DNAH14: variants seen among roughly 807,000 people sequenced by gnomAD.
DNAH14 encodes the protein dynein axonemal heavy chain 14.
DNAH14 carries 478 observed loss-of-function variants against 520.9 expected under a neutral mutation model. The observed-to-expected ratio is 0.92, with a 90% confidence interval of 0.85 to 0.99. DNAH14 has a LOEUF of 0.99. Among genes scored for constraint, DNAH14 ranks in the 50% least tolerant of loss-of-function variants. The pLI is 0.00. For synonymous variants in DNAH14, 1,581 were observed against 1,757.2 expected (o/e 0.90, Z 2.51); for missense variants, 4,831 against 5,234.5 (o/e 0.92, Z 2.38).
chr1:225,347,399 A>T (rs1029761146), intron 71 of DNAH14, among the ~76,000 whole-genome samples: 1 of 152,158 alleles, frequency 6.6e-6, no homozygotes, highest in African/African-American at 2.4e-5. Flanking sequence ...ATGCCTATTC[A>T]TGCCTCCCCC....
chr1:225,074,443 A>AGCTGT (rs1206615148), intron 17 of DNAH14, among the ~76,000 whole-genome samples: 1 of 152,198 alleles, frequency 6.6e-6, no homozygotes, highest in Non-Finnish European at 1.5e-5. Context: ...TTTGTAGAGA[A>AGCTGT]GCTGTGCTGT....
chr1:225,399,034 GA>G lies in DNAH14; in HGVS notation c.13639-19del. ...CTTGAACTATGCAATTTGACTACTGGATTTTTTTTTTTTTTAAAGATTTCTA... is the reference window on the plus strand; with the variant it reads ...CTTGAACTATGCAATTTGACTACTGGTTTTTTTTTTTTTTAAAGATTTCTA... On this transcript the variant is annotated intron_variant, in intron 85 of 85. Transcript: ENST00000682510. The G allele has an allele frequency of 7.5e-7, 1 of 1,330,566 alleles. No homozygotes were observed. The highest frequency in any genetic ancestry group is 1.0e-6 in the Non-Finnish European group (1 of 953,034). 82.4% of individuals were successfully genotyped at this position (1,330,566 alleles called of 1,614,324 possible).
At chr1:225,059,814 A>G (rs897884159) in intron 17 of DNAH14, among the ~76,000 whole-genome samples, 1 of 152,078 alleles carries the variant, frequency 6.6e-6, no homozygotes, top group Non-Finnish European at 1.5e-5. Flanking sequence ...ATGAAATTCT[A>G]GGTTGAAAAT....
intron 36 of DNAH14, among the ~76,000 whole-genome samples, chr1:225,178,355 A>G (rs2083562722): frequency 1.3e-5 from 2 of 152,216 alleles, no homozygotes; most frequent in African/African-American, 4.8e-5. Context: ...GGTGTCAGCA[A>G]GAGCAAAATG....
intron 8 of DNAH14, among the ~76,000 whole-genome samples, chr1:224,988,436 C>T (rs1467310952): frequency 6.6e-6 from 1 of 152,094 alleles, no homozygotes; most frequent in African/African-American, 2.4e-5. Flanking sequence ...CATCTCATGC[C>T]AGTTAGAATG....
At chr1:225,185,687 A>G (rs575563131) in intron 37 of DNAH14, among the ~76,000 whole-genome samples, 29 of 151,794 alleles carry the variant, frequency 1.9e-4, no homozygotes, top group Non-Finnish European at 3.8e-4. Context: ...GTTTTTAGGT[A>G]TCAATTGAAT....
intron 17 of DNAH14, among the ~76,000 whole-genome samples, chr1:225,063,625 CA>C: frequency 6.6e-6 from 1 of 152,068 alleles, no homozygotes; most frequent in Admixed American, 6.5e-5. Flanking sequence ...AGAAATCAAA[CA>C]AAAACAGAGA....
intron 10 of DNAH14, among the ~76,000 whole-genome samples, chr1:225,014,544 A>G (rs1488335709): frequency 6.6e-6 from 1 of 151,994 alleles, no homozygotes. Context: ...TCAAAATTTC[A>G]TTCTTAGTTT....
At chr1:225,213,056 T>A (rs1357262284) in intron 41 of DNAH14, among the ~76,000 whole-genome samples, 1 of 152,208 alleles carries the variant, frequency 6.6e-6, no homozygotes, top group African/African-American at 2.4e-5. Context: ...AACATTTAAG[T>A]CTTTGATCCA....
intron 21 of DNAH14, among the ~76,000 whole-genome samples, chr1:225,096,313 T>C (rs1197752230): frequency 6.6e-6 from 1 of 152,116 alleles, no homozygotes; most frequent in Non-Finnish European, 1.5e-5. Flanking sequence ...GTGCAGTTTC[T>C]TGTGTATCAG....
rs576901914 is a variant in DNAH14 at position 224,987,671 on chromosome 1, GGCTGGT to G, written c.830+13520_830+13525del. On this transcript the variant is annotated intron_variant, in intron 8 of 85. Coordinates refer to ENST00000682510, the MANE Select transcript of DNAH14 (RefSeq NM_001367479.1). ...AGATGGAGTCTTGCACTGTCACCCG[GGCTGGT>G]GTGCAGTGGTGCAATCTCAGCTTGC... is the stretch of plus-strand genomic sequence containing the variant. 2.4e-4 allele frequency among the ~76,000 whole-genome samples: 37 copies of G among 152,160 alleles called. No homozygotes were observed. In the South Asian group the frequency reaches 7.7e-3, roughly 32 times the overall value.
Position 225,232,388 on chromosome 1 carries a change from A to G in DNAH14, c.6518+1237A>G, listed in dbSNP as rs931194731. Among the ~76,000 whole-genome samples the G allele has an allele frequency of 5.9e-5, 9 of 152,220 alleles. No individual in the cohort carries two copies. The highest frequency in any genetic ancestry group is 1.3e-4 in the Non-Finnish European group (9 of 68,010). On this transcript the variant is annotated intron_variant, in intron 42 of 85. Coordinates refer to ENST00000682510, the MANE Select transcript of DNAH14 (RefSeq NM_001367479.1). The surrounding 1 kb of genome is among the most constrained non-coding windows in gnomAD (Gnocchi z 4.2). Reference sequence around the variant, plus strand: ...AGTAATATGATTAATGTGCTTGTACATGTCTCTTGGTACTTATATGCAATA... The same window carrying G: ...AGTAATATGATTAATGTGCTTGTACGTGTCTCTTGGTACTTATATGCAATA...
At chr1:224,995,031 A>G (rs1470585395) in intron 8 of DNAH14, among the ~76,000 whole-genome samples, 1 of 152,108 alleles carries the variant, frequency 6.6e-6, no homozygotes, top group African/African-American at 2.4e-5. Flanking sequence ...TATTTTAGCT[A>G]TAGTTATTTT....
intron 1 of DNAH14, among the ~76,000 whole-genome samples, chr1:224,941,120 T>A (rs1036776527): frequency 1.3e-5 from 2 of 152,234 alleles, no homozygotes; most frequent in African/African-American, 4.8e-5. Flanking sequence ...GTTGAACTAG[T>A]TTACAGTCCC....
intron 17 of DNAH14, among the ~76,000 whole-genome samples, chr1:225,060,135 C>G (rs1572776779): frequency 6.6e-6 from 1 of 152,112 alleles, no homozygotes; most frequent in South Asian, 2.1e-4. Flanking sequence ...CGACTTGGTT[C>G]CATTCTCCCT....
intron 23 of DNAH14, among the ~76,000 whole-genome samples, chr1:225,113,604 G>T (rs1181562950): frequency 6.6e-6 from 1 of 152,190 alleles, no homozygotes; most frequent in African/African-American, 2.4e-5. Context: ...TGGTTCCAGA[G>T]ATGCCATCTG....
intron 15 of DNAH14, among the ~76,000 whole-genome samples, chr1:225,045,525 C>T (rs1328186656): frequency 1.3e-5 from 2 of 152,038 alleles, no homozygotes; most frequent in South Asian, 4.2e-4. Context: ...TCTGCTAAGT[C>T]TTTTCCAGTG....
At chr1:225,147,797 C>G (rs1008522809) in intron 31 of DNAH14, among the ~76,000 whole-genome samples, 9 of 152,140 alleles carry the variant, frequency 5.9e-5, no homozygotes, top group African/African-American at 1.9e-4. Context: ...CACCTTCCAC[C>G]CTCCAGTAGG....
At chr1:224,951,553 C>T (rs2060170815) in intron 1 of DNAH14, among the ~76,000 whole-genome samples, 1 of 151,550 alleles carries the variant, frequency 6.6e-6, no homozygotes, top group African/African-American at 2.4e-5. Context: ...ATGACTAGGA[C>T]TCTTTCTGCA....
Sources: gnomAD v4.1 joint callset for allele counts (sites outside exome capture counted in the v4.1 genomes callset) on GRCh38, gnomAD v4.1.1 for gene constraint, Gnocchi (gnomAD v3.1) non-coding constraint, MANE v1.5 for transcripts, NCBI Gene and HGNC (gene_info 2026-07-23, HGNC 2026-07-21) for gene names.